GJB6: variants seen among roughly 807,000 people sequenced by gnomAD.
The protein encoded by GJB6 is gap junction beta-6 protein.
A neutral mutation model predicts 5.4 loss-of-function variants in GJB6; 5 were observed. That is an observed-to-expected ratio of 0.92 (90% CI 0.48 to 1.93). GJB6 has a LOEUF of 1.93. GJB6 is among the 30% of genes most tolerant of loss of function. GJB6 has a pLI of 0.01. For synonymous variants in GJB6, 136 were observed against 129.6 expected (o/e 1.05, Z -0.34); for missense variants, 298 against 326.9 (o/e 0.91, Z 0.68).
In GJB6 at chr13:20,223,348, C is replaced by T. The variant is rs756689586; in HGVS notation, c.133G>A (p.Gly45Ser). 1 of 1,614,120 alleles carries T rather than the reference C, an allele frequency of 6.2e-7. No individual in the cohort carries two copies. Among genetic ancestry groups the T allele is most frequent in the South Asian group, 1.1e-5 (1 of 91,074 alleles). ...ILVVAAQEVWGDEQEDFVCNT... is the reference protein window; with the variant it reads ...ILVVAAQEVWSDEQEDFVCNT... ...CAGACGAAGTCCTCTTGCTCGTCAC[C>T]CCACACTTCCTGGGCAGCCACCACG... Residue 45 changes from glycine to serine, a missense_variant, in exon 5 of 5, where the codon GGT (glycine) becomes AGT (serine). Physicochemically the swap from Gly to Ser is moderately conservative, Grantham distance 56. Transcript: ENST00000647029.
chr13:20,229,869 ATGAGG>A (rs1260301611), intron 3 of GJB6, 120 bp from the exon 4 acceptor site: 1 of 129,432 alleles, frequency 7.7e-6, no homozygotes, highest in Non-Finnish European at 1.5e-5. Context: ...CAGAACTGTT[ATGAGG>A]TAAGTTCAGA....
chr13:20,228,467 GTTTTTGTTT>G (rs1257349820), intron 4 of GJB6, among the ~76,000 whole-genome samples: 1 of 141,868 alleles, frequency 7.0e-6, no homozygotes, highest in Non-Finnish European at 1.6e-5. Context: ...TTGTTTGTTT[GTTTTTGTTT>G]TTTGTTTTTG....
At chr13:20,227,218 G>C in intron 4 of GJB6, among the ~76,000 whole-genome samples, 1 of 152,132 alleles carries the variant, frequency 6.6e-6, no homozygotes, top group Admixed American at 6.5e-5. Context: ...CAAGCCACAC[G>C]GTCTGAGGGT....
In GJB6 at chr13:20,222,843, AG is replaced by A; in HGVS notation, c.637del (p.Leu213CysfsTer3). ...TCTCCTAAAACACACTTTCAGCAGCAGGTAGCACAACTCTGCCACGTTAAGC... is the reference window on the plus strand; with the variant it reads ...TCTCCTAAAACACACTTTCAGCAGCAGTAGCACAACTCTGCCACGTTAAGC... ...MLLNVAELCY[L>X]LLKVCFRRSK... On this transcript the variant is annotated frameshift_variant, in exon 5 of 5. Coordinates refer to ENST00000647029, the MANE Select transcript of GJB6 (RefSeq NM_001110219.3). LOFTEE classifies it high-confidence loss of function. The A allele has an allele frequency of 1.2e-6, 2 of 1,614,186 alleles. No homozygotes were observed. The highest frequency in any genetic ancestry group is 2.2e-5 in the South Asian group (2 of 91,084).
At chr13:20,229,150 A>AAAAAAT (rs1869874003) in intron 4 of GJB6, among the ~76,000 whole-genome samples, 1 of 62,184 alleles carries the variant, frequency 1.6e-5, no homozygotes, top group African/African-American at 8.0e-5. Context: ...AAAAAAAAAA[A>AAAAAAT]TTTTTTTTTT....
At position 20,222,450 on chromosome 13, in the gene GJB6, A is replaced by T; in HGVS notation, c.*245T>A. ...TTGTCAGAGAGTCCACTTAAAAGGA[A>T]CCTGTCAAAGTGACTGCAATGCTCC... On this transcript the variant is annotated 3_prime_UTR_variant, in exon 5 of 5. Coordinates refer to ENST00000647029, the MANE Select transcript of GJB6 (RefSeq NM_001110219.3). 2.0e-6 allele frequency: 1 copy of T among 511,918 alleles called. No individual in the cohort carries two copies. Among genetic ancestry groups the T allele is most frequent in the Non-Finnish European group, 3.5e-6 (1 of 288,934 alleles). The allele number at this position is 511,918 out of a possible 1,614,324, so 31.7% of individuals were successfully genotyped here.
At chr13:20,228,669 A>T (rs1180125808) in intron 4 of GJB6, among the ~76,000 whole-genome samples, 1 of 141,302 alleles carries the variant, frequency 7.1e-6, no homozygotes, top group Admixed American at 7.1e-5. Flanking sequence ...TATTTTTAGT[A>T]GAGACGGGGT....
intron 4 of GJB6, chr13:20,225,423 C>T (rs1869511173): frequency 6.6e-6 from 1 of 152,198 alleles, no homozygotes; most frequent in African/African-American, 2.4e-5. Context: ...TTTACCCATT[C>T]ATCTATCAAT....
chr13:20,231,012 A>G (rs1179697535), intron 2 of GJB6: 1 of 151,846 alleles, frequency 6.6e-6, no homozygotes, highest in African/African-American at 2.4e-5. Flanking sequence ...TCTCTTCAGA[A>G]CCCCCCTCTC....
intron 4 of GJB6, among the ~76,000 whole-genome samples, chr13:20,224,344 T>C (rs1471773282): frequency 3.3e-5 from 5 of 152,196 alleles, no homozygotes; most frequent in African/African-American, 1.2e-4. Flanking sequence ...TTGAATAACA[T>C]CATCTGCCAT....
At position 20,223,360 on chromosome 13, in the gene GJB6, G is replaced by C. The variant is rs1869354077; in HGVS notation, c.121C>G (p.Gln41Glu). ...FRVMILVVAA[Q>E]EVWGDEQEDF... ...TCTTGCTCGTCACCCCACACTTCCT[G>C]GGCAGCCACCACGAGGATCATGACT... The change falls in exon 5 of 5, where the codon CAG becomes GAG. Residue 41 changes from glutamine (Q) to glutamate (E), a missense_variant. Gln to Glu is a conservative substitution (Grantham distance 29). Transcript: ENST00000647029. 6.2e-7 allele frequency: 1 copy of C among 1,614,104 alleles called. No homozygotes were observed. The highest frequency in any genetic ancestry group is 1.1e-5 in the South Asian group (1 of 91,080).
intron 4 of GJB6, among the ~76,000 whole-genome samples, chr13:20,224,527 C>T (rs1412925410): frequency 6.6e-6 from 1 of 152,148 alleles, no homozygotes; most frequent in African/African-American, 2.4e-5. Flanking sequence ...CAGGGGCAGC[C>T]GAGGAGGGGA....
At position 20,229,723 on chromosome 13, in the gene GJB6, T is replaced by C. The variant is rs1219422822; in HGVS notation, c.-159A>G. On this transcript the variant is annotated 5_prime_UTR_variant, in exon 4 of 5. Coordinates refer to ENST00000647029, the MANE Select transcript of GJB6 (RefSeq NM_001110219.3). ...TGCACAGTGATGATACGAATGTCAATCTTTGCTCGGTCAGTGAGGATGTCG... is the reference window on the plus strand; with the variant it reads ...TGCACAGTGATGATACGAATGTCAACCTTTGCTCGGTCAGTGAGGATGTCG... The C allele has an allele frequency of 6.6e-6, 1 of 151,338 alleles. No individual in the cohort carries two copies. The highest frequency in any genetic ancestry group is 2.4e-5 in the African/African-American group (1 of 41,142). The allele number at this position is 151,338 out of a possible 1,614,324, so 9.4% of individuals were successfully genotyped here.
At chr13:20,227,061 C>A (rs776366828) in intron 4 of GJB6, among the ~76,000 whole-genome samples, 3 of 151,856 alleles carry the variant, frequency 2.0e-5, no homozygotes, top group Non-Finnish European at 4.4e-5. Context: ...GGTCACAACT[C>A]CCCCCCAGGA....
rs112564281 is a variant in GJB6, at chr13:20,227,518, A to G, written c.-16+2062T>C. On this transcript the variant is annotated intron_variant, in intron 4 of 4. Transcript: ENST00000647029. Reference sequence around the variant, plus strand: ...GGGAGAAGCTGTGTCCTCTCTCCGAACCTGCCCGGTCCTGAGTGGGCTGCC... The same window carrying G: ...GGGAGAAGCTGTGTCCTCTCTCCGAGCCTGCCCGGTCCTGAGTGGGCTGCC... 5.7e-3 allele frequency among the ~76,000 whole-genome samples: 863 copies of G among 152,206 alleles called. 15 individuals carry two copies. The highest frequency in any genetic ancestry group is 0.019 in the African/African-American group (775 of 41,546).
chr13:20,225,707 T>A (rs1869530020), intron 4 of GJB6: 1 of 152,178 alleles, frequency 6.6e-6, no homozygotes, highest in Non-Finnish European at 1.5e-5. Context: ...ACTGGGGGAC[T>A]TTCTGTTGAG....
rs1186671155 is a variant in GJB6, at chr13:20,232,181, C to A, written c.-420+13G>T. 1.3e-5 allele frequency: 2 copies of A among 152,062 alleles called. No individual in the cohort carries two copies. The highest frequency in any genetic ancestry group is 3.9e-4 in the East Asian group (2 of 5,184). The allele number at this position is 152,062 out of a possible 1,614,324, so 9.4% of individuals were successfully genotyped here. A position where few individuals can be genotyped will look rare whatever the true frequency, so the allele number is the denominator to read the frequency against. ...CGCCCCCCGCAAGACCCAGCCGGTC[C>A]GCGCCCGCTTACCTGCTCTGCGGCC... On this transcript the variant is annotated intron_variant, in intron 1 of 4. Transcript: ENST00000647029.
In GJB6 at chr13:20,223,255, G is replaced by A. The variant is rs180764573; in HGVS notation, c.226C>T (p.Leu76=). 8.1e-6 allele frequency: 13 copies of A among 1,611,598 alleles called. No homozygotes were observed. The Admixed American group carries it at 1.7e-4, about 21-fold the overall frequency. ...ACGAAGATCAGCTGGAGGGCCCACAGCCGGATGTGGGACACCGGGAAAAAG... is the reference window on the plus strand; with the variant it reads ...ACGAAGATCAGCTGGAGGGCCCACAACCGGATGTGGGACACCGGGAAAAAG... ...DHFFPVSHIR[L]WALQLIFVST... Residue 76 remains leucine, a synonymous_variant, in exon 5 of 5, where the codon CTG becomes TTG. Coordinates refer to ENST00000647029, the MANE Select transcript of GJB6 (RefSeq NM_001110219.3).
At chr13:20,227,066 C>A (rs143657537) in intron 4 of GJB6, among the ~76,000 whole-genome samples, 5 of 152,146 alleles carry the variant, frequency 3.3e-5, no homozygotes, top group African/African-American at 1.2e-4. Context: ...CAACTCCCCC[C>A]CAGGAACACT....
Sources: gnomAD v4.1 joint callset for allele counts (sites outside exome capture counted in the v4.1 genomes callset) on GRCh38, gnomAD v4.1.1 for gene constraint, MANE v1.5 for transcripts, NCBI Gene and HGNC (gene_info 2026-07-23, HGNC 2026-07-21) for gene names.